Variants in RXRG observed in about 807,000 individuals in gnomAD.
RXRG encodes retinoid X receptor gamma, also known as retinoic acid receptor RXR-gamma.
A neutral mutation model predicts 49.2 loss-of-function variants in RXRG; 19 were observed. The observed-to-expected ratio is 0.39, with a 90% confidence interval of 0.27 to 0.57. RXRG has a LOEUF of 0.57. Among genes scored for constraint, RXRG ranks in the 20% least tolerant of loss-of-function variants. RXRG has a pLI of 0.64. For synonymous variants in RXRG, 224 were observed against 216.6 expected, an observed-to-expected ratio of 1.03 and a Z score of -0.30; for missense variants, 452 against 592.5, an observed-to-expected ratio of 0.76 and a Z score of 2.46.
intron 2 of RXRG, chr1:165,424,935 T>C (rs1658437326): frequency 2.0e-6 from 2 of 985,542 alleles, no homozygotes; most frequent in Middle Eastern, 5.2e-4. Context: ...ATTGCTGCAG[T>C]GTGGTTCCGG....
At chr1:165,416,744 C>T (rs913137875) in intron 4 of RXRG, among the ~76,000 whole-genome samples, 1 of 152,168 alleles carries the variant, frequency 6.6e-6, no homozygotes, top group Admixed American at 6.5e-5. Context: ...TGGGGATCAC[C>T]ATCTGGGCTC....
intron 1 of RXRG, among the ~76,000 whole-genome samples, chr1:165,435,415 A>G (rs1017036336): frequency 7.9e-5 from 12 of 152,194 alleles, no homozygotes; most frequent in Non-Finnish European, 1.5e-4. Flanking sequence ...GAGATTGAGC[A>G]AACTGCCCAA....
At chr1:165,422,820 A>T (rs149872305) in intron 2 of RXRG, among the ~76,000 whole-genome samples, 1 of 152,340 alleles carries the variant, frequency 6.6e-6, no homozygotes, top group African/African-American at 2.4e-5. Flanking sequence ...GCACCTGCCC[A>T]GATACCAGGT....
At chr1:165,407,276 T>C (rs991009762) in intron 8 of RXRG, among the ~76,000 whole-genome samples, 1 of 152,202 alleles carries the variant, frequency 6.6e-6, no homozygotes, top group African/African-American at 2.4e-5. Flanking sequence ...GAAAGCTGAA[T>C]TGGCACATGT....
intron 4 of RXRG, among the ~76,000 whole-genome samples, chr1:165,411,950 A>G (rs954201943): frequency 6.6e-6 from 1 of 152,214 alleles, no homozygotes; most frequent in Admixed American, 6.5e-5. Flanking sequence ...CACAGCAGCA[A>G]TAAACAGAAT....
chr1:165,414,722 A>G (rs1044094420), intron 4 of RXRG, among the ~76,000 whole-genome samples: 25 of 152,310 alleles, frequency 1.6e-4, no homozygotes, highest in African/African-American at 6.0e-4. Flanking sequence ...ATCCAATTCT[A>G]TCCTGGTGGA....
chr1:165,442,365 A>G (rs972301728), intron 1 of RXRG, among the ~76,000 whole-genome samples: 1 of 152,248 alleles, frequency 6.6e-6, no homozygotes, highest in Non-Finnish European at 1.5e-5. Flanking sequence ...CAACAGAACT[A>G]AACAAAATAA....
intron 1 of RXRG, among the ~76,000 whole-genome samples, chr1:165,432,686 T>G (rs1046003752): frequency 2.0e-5 from 3 of 152,226 alleles, no homozygotes; most frequent in African/African-American, 7.2e-5. Flanking sequence ...CCTTCCCCAC[T>G]GAGAGCCTTC....
chr1:165,440,644 T>C (rs1658954173), intron 1 of RXRG, among the ~76,000 whole-genome samples: 2 of 121,516 alleles, frequency 1.6e-5, no homozygotes, highest in African/African-American at 3.4e-5. Context: ...GTCAATCTCA[T>C]GAGAGCCACC....
chr1:165,443,529 C>T (rs1659068888), intron 1 of RXRG, among the ~76,000 whole-genome samples: 1 of 152,192 alleles, frequency 6.6e-6, no homozygotes, highest in Non-Finnish European at 1.5e-5. Context: ...CACCCCAAGT[C>T]CAAGTACAAC....
At chr1:165,432,188 GTTAAC>G (rs1479196777) in intron 1 of RXRG, among the ~76,000 whole-genome samples, 1 of 152,154 alleles carries the variant, frequency 6.6e-6, no homozygotes, top group Admixed American at 6.5e-5. Flanking sequence ...TAAGAAGTAA[GTTAAC>G]TTGACTACTG....
intron 4 of RXRG, 42 bp from the exon 5 acceptor site, chr1:165,411,151 G>A: frequency 6.3e-7 from 1 of 1,586,320 alleles, no homozygotes. Flanking sequence ...ATAATGCCCA[G>A]GACAACAGTG....
At chr1:165,434,460 C>G (rs529965831) in intron 1 of RXRG, among the ~76,000 whole-genome samples, 26 of 152,320 alleles carry the variant, frequency 1.7e-4, no homozygotes, top group Non-Finnish European at 3.1e-4. Context: ...ACTGGCCAGA[C>G]AAGGGAGCAA....
chr1:165,432,188 GT>G (rs1173550183), intron 1 of RXRG, among the ~76,000 whole-genome samples: 1 of 152,154 alleles, frequency 6.6e-6, no homozygotes, highest in Non-Finnish European at 1.5e-5. Flanking sequence ...TAAGAAGTAA[GT>G]TAACTTGACT....
chr1:165,417,948 T>C (rs1658179077), intron 3 of RXRG, among the ~76,000 whole-genome samples: 1 of 151,652 alleles, frequency 6.6e-6, no homozygotes, highest in African/African-American at 2.4e-5. Context: ...TGTTAAAATA[T>C]ATATATACAA....
intron 1 of RXRG, among the ~76,000 whole-genome samples, chr1:165,431,318 A>G (rs1034365198): frequency 1.3e-5 from 2 of 152,250 alleles, no homozygotes; most frequent in Non-Finnish European, 2.9e-5. Flanking sequence ...GGCAGCGCTC[A>G]AGAACTGAAA....
intron 8 of RXRG, 49 bp downstream of exon 8, chr1:165,408,178 G>T: frequency 7.2e-7 from 1 of 1,396,286 alleles, no homozygotes; most frequent in Non-Finnish European, 1.0e-6. Flanking sequence ...GAGGTTGACC[G>T]TGGAAGAGGG....
rs373336477 is a variant in RXRG at position 165,423,141 on chromosome 1, G to A, written c.298-3127C>T. Among the ~76,000 whole-genome samples, 14 of 152,190 alleles carry A rather than the reference G, an allele frequency of 9.2e-5. No homozygotes were observed. The East Asian group carries it at 9.6e-4, about 10-fold the overall frequency. On this transcript the variant is annotated intron_variant, in intron 2 of 9. Transcript: ENST00000359842. ...TTTTCTCTGTCCATCTCTCTGGCTG[G>A]CTTGGGGTTTGTTTTGGGCTCAGAG...
chr1:165,406,693 A>G (rs1322525691), intron 9 of RXRG, 119 bp downstream of exon 9: 2 of 758,718 alleles, frequency 2.6e-6, no homozygotes, highest in Non-Finnish European at 4.5e-6. Flanking sequence ...TCAGCTTGTT[A>G]TGAAGATTAA....
Sources: gnomAD v4.1 joint callset for allele counts (sites outside exome capture counted in the v4.1 genomes callset) on GRCh38, gnomAD v4.1.1 for gene constraint, MANE v1.5 for transcripts, NCBI Gene and HGNC (gene_info 2026-07-23, HGNC 2026-07-21) for gene names.